The following TMX1 variants were observed in gnomAD, a reference collection of about 807,000 sequenced individuals.
TMX1 encodes thioredoxin-related transmembrane protein 1.
Under a neutral mutation model 36.6 loss-of-function variants are expected in TMX1, and 25 were observed. That is an observed-to-expected ratio of 0.68 (90% CI 0.50 to 0.95). The LOEUF (loss-of-function observed/expected upper bound fraction) is 0.95. Among genes scored for constraint, TMX1 ranks in the 40% least tolerant of loss-of-function variants. The pLI, the probability that TMX1 is intolerant of heterozygous loss-of-function variation, is 0.00. For missense variants in TMX1, 347 were observed against 339.6 expected (o/e 1.02, Z -0.17); for synonymous variants, 133 against 118.0 (o/e 1.13, Z -0.82).
intron 7 of TMX1, 38 bp from the exon 8 acceptor site, chr14:51,254,303 A>G (rs1204604899): frequency 2.6e-6 from 4 of 1,549,336 alleles, no homozygotes; most frequent in Non-Finnish European, 3.5e-6. Flanking sequence ...CAAATCTAAT[A>G]CATCAACAAA....
Position 51,243,859 on chromosome 14 carries a change from T to C in TMX1, c.156T>C (p.Tyr52=). 4 of 1,604,080 alleles carry C rather than the reference T, an allele frequency of 2.5e-6. No individual in the cohort carries two copies. Among genetic ancestry groups the C allele is most frequent in the Non-Finnish European group, 3.4e-6 (4 of 1,175,950 alleles). The change falls in exon 2 of 8, where the codon TAT becomes TAC. Residue 52 remains tyrosine, a synonymous_variant. Coordinates refer to ENST00000457354, the MANE Select transcript of TMX1 (RefSeq NM_030755.5). ...LLEGDWMIEF[Y]APWCPACQNL... ...AAAAAAAATCTGTATTTCTTAGTTA[T>C]GCCCCGTGGTGCCCTGCTTGTCAAA...
At chr14:51,253,102 T>G (rs560629552) in intron 7 of TMX1, among the ~76,000 whole-genome samples, 1 of 152,284 alleles carries the variant, frequency 6.6e-6, no homozygotes, top group South Asian at 2.1e-4. Flanking sequence ...TGGTGCACTC[T>G]GCTTGTGTAA....
intron 1 of TMX1, among the ~76,000 whole-genome samples, chr14:51,243,544 G>A (rs181167665): frequency 1.3e-5 from 2 of 152,280 alleles, no homozygotes; most frequent in Non-Finnish European, 2.9e-5. Context: ...TTGGTCTTGA[G>A]CTTTCTGGTG....
intron 7 of TMX1, among the ~76,000 whole-genome samples, chr14:51,253,463 C>A (rs1366790342): frequency 6.6e-6 from 1 of 152,172 alleles, no homozygotes; most frequent in Non-Finnish European, 1.5e-5. Flanking sequence ...TAATTTTTCC[C>A]CATGGTTTAT....
chr14:51,250,918 A>G (rs2065809197), intron 7 of TMX1, among the ~76,000 whole-genome samples: 1 of 152,176 alleles, frequency 6.6e-6, no homozygotes, highest in Non-Finnish European at 1.5e-5. Flanking sequence ...AGATAGTTGC[A>G]TTGATACTAA....
At chr14:51,243,483 T>C (rs2065771532) in intron 1 of TMX1, among the ~76,000 whole-genome samples, 1 of 152,000 alleles carries the variant, frequency 6.6e-6, no homozygotes, top group African/African-American at 2.4e-5. Flanking sequence ...TTCCAACACC[T>C]TGCATTTGTG....
chr14:51,247,065 A>G (rs778145985), intron 3 of TMX1, 27 bp from the exon 4 acceptor site: 1 of 1,586,872 alleles, frequency 6.3e-7, no homozygotes, highest in Non-Finnish European at 8.6e-7. Context: ...TCAGTGCTGG[A>G]TAATATTTAA....
chr14:51,242,195 C>G (rs2065765088), intron 1 of TMX1, among the ~76,000 whole-genome samples: 1 of 152,134 alleles, frequency 6.6e-6, no homozygotes, highest in African/African-American at 2.4e-5. Context: ...TGCATGTAGT[C>G]TGCAATTCTG....
At chr14:51,247,058 G>C (rs767584344) in intron 3 of TMX1, 34 bp from the exon 4 acceptor site, 3 of 1,573,824 alleles carry the variant, frequency 1.9e-6, no homozygotes, top group South Asian at 2.3e-5. Context: ...TTATTTCTCA[G>C]TGCTGGATAA....
chr14:51,247,198 TG>T lies in TMX1; in HGVS notation c.423del (p.Trp141CysfsTer8). The T allele has an allele frequency of 1.2e-6, 2 of 1,613,648 alleles. No individual in the cohort carries two copies. The highest frequency in any genetic ancestry group is 1.7e-6 in the Non-Finnish European group (2 of 1,179,790). On this transcript the variant is annotated frameshift_variant, in exon 4 of 8. Transcript: ENST00000457354. LOFTEE classifies it high-confidence loss of function. ...EWKSIEPVSS[W>X]FGPGSVLMSS... ...GAAGAGTATTGAGCCCGTTTCATCA[TG>T]GTTTGGTCCAGGTTCTGTTCTGTAA...
In TMX1 at chr14:51,255,230, T is replaced by C. The variant is rs1199665327; in HGVS notation, c.*711T>C. ...TTTTATTTTTCAAATTGGATGATAATTTCTTGGAAACATTTTTTATGTTTT... is the reference window on the plus strand; with the variant it reads ...TTTTATTTTTCAAATTGGATGATAACTTCTTGGAAACATTTTTTATGTTTT... On this transcript the variant is annotated 3_prime_UTR_variant, in exon 8 of 8. Coordinates refer to ENST00000457354, the MANE Select transcript of TMX1 (RefSeq NM_030755.5). 6.6e-6 allele frequency: 1 copy of C among 152,056 alleles called. No homozygotes were observed. The allele number at this position is 152,056 out of a possible 1,614,324, so 9.4% of individuals were successfully genotyped here.
chr14:51,245,676 G>T (rs79930423), intron 3 of TMX1: 5,681 of 399,798 alleles, frequency 0.014, 74 homozygotes, highest in African/African-American at 0.051. Flanking sequence ...ATTGGATAAA[G>T]GAGAAATCAC....
chr14:51,240,661 G>A (rs2065756526), intron 1 of TMX1, among the ~76,000 whole-genome samples: 1 of 152,152 alleles, frequency 6.6e-6, no homozygotes, highest in South Asian at 2.1e-4. Flanking sequence ...CTTCTGGGGT[G>A]CACCCTCGTT....
intron 4 of TMX1, among the ~76,000 whole-genome samples, chr14:51,247,598 T>C (rs8011672): frequency 0.75 from 114,771 of 152,036 alleles, 43,445 homozygotes; most frequent in Non-Finnish European, 0.77. Flanking sequence ...ACCTCGTGAT[T>C]TGCCCACCTC....
intron 7 of TMX1, among the ~76,000 whole-genome samples, chr14:51,251,224 G>A (rs1241211635): frequency 1.3e-5 from 2 of 152,212 alleles, no homozygotes; most frequent in African/African-American, 2.4e-5. Flanking sequence ...TATGCGTTCA[G>A]TAGAAACCGT....
rs144201486 is a variant in TMX1 at position 51,240,487 on chromosome 14, CACG to C, written c.152+46_152+48del. The C allele has an allele frequency of 8.8e-4, 1,397 of 1,594,462 alleles. 18 individuals are homozygous for C. In the East Asian group the frequency reaches 0.027, roughly 31 times the overall value. ...AGGGTCCTACGTCCGTGCCTGGACA[CACG>C]ACTTCACCCCGCACGTTCCTCGTGC... is the stretch of plus-strand genomic sequence containing the variant. On this transcript the variant is annotated intron_variant, in intron 1 of 7. Transcript: ENST00000457354.
chr14:51,253,333 A>G (rs1438362885), intron 7 of TMX1, among the ~76,000 whole-genome samples: 1 of 152,234 alleles, frequency 6.6e-6, no homozygotes, highest in African/African-American at 2.4e-5. Flanking sequence ...CTTGGTAGGG[A>G]ACCACTGCTG....
rs779772096 is a variant in TMX1 at position 51,240,258 on chromosome 14, C to T, written c.-35C>T. 6.2e-7 allele frequency: 1 copy of T among 1,600,292 alleles called. No individual in the cohort carries two copies. Among genetic ancestry groups the T allele is most frequent in the Non-Finnish European group, 8.5e-7 (1 of 1,177,160 alleles). On this transcript the variant is annotated 5_prime_UTR_variant, in exon 1 of 8. Coordinates refer to ENST00000457354, the MANE Select transcript of TMX1 (RefSeq NM_030755.5). ...CCCGCGAGGGCGGAAGTGGGAGCTG[C>T]GACCGCGCTCCCTGTGAGGTGGGCA...
chr14:51,245,709 A>G (rs539712376), intron 3 of TMX1: 1 of 354,974 alleles, frequency 2.8e-6, no homozygotes, highest in Non-Finnish European at 5.4e-6. Context: ...TGGTTCCCAG[A>G]GAATATGGGG....
Sources: gnomAD v4.1 joint callset for allele counts (sites outside exome capture counted in the v4.1 genomes callset) on GRCh38, gnomAD v4.1.1 for gene constraint, MANE v1.5 for transcripts, NCBI Gene and HGNC (gene_info 2026-07-23, HGNC 2026-07-21) for gene names.